Variants in SORCS3 observed in about 807,000 individuals in gnomAD.
The protein encoded by SORCS3 is VPS10 domain-containing receptor SorCS3.
A neutral mutation model predicts 146.3 loss-of-function variants in SORCS3; 57 were observed. That is an observed-to-expected ratio of 0.39 (90% confidence interval 0.31 to 0.49). The LOEUF (loss-of-function observed/expected upper bound fraction) is 0.49. SORCS3 is among the 20% of genes least tolerant of loss of function. The pLI, the probability that SORCS3 is intolerant of heterozygous loss-of-function variation, is 0.92. For synonymous variants in SORCS3, 653 were observed against 618.5 expected (o/e 1.06, Z -0.83); for missense variants, 1,341 against 1,575.5 (o/e 0.85, Z 2.52).
chr10:105,006,720 T>C (rs773846265), intron 4 of SORCS3, among the ~76,000 whole-genome samples: 1 of 152,208 alleles, frequency 6.6e-6, no homozygotes, highest in Non-Finnish European at 1.5e-5. Context: ...CTTGCACTGT[T>C]TGGGATATGA....
chr10:104,651,754 C>G (rs1337600398), intron 1 of SORCS3, among the ~76,000 whole-genome samples: 1 of 152,070 alleles, frequency 6.6e-6, no homozygotes, highest in Non-Finnish European at 1.5e-5. Context: ...TGTTGGTACT[C>G]TACCCGTATT....
intron 1 of SORCS3, among the ~76,000 whole-genome samples, chr10:104,704,854 T>C (rs1454559083): frequency 6.6e-6 from 1 of 152,194 alleles, no homozygotes; most frequent in Non-Finnish European, 1.5e-5. Context: ...GATGCTGTTT[T>C]GGTGCTTGGC....
At chr10:104,945,262 T>G (rs1564719208) in intron 3 of SORCS3, among the ~76,000 whole-genome samples, 1 of 143,750 alleles carries the variant, frequency 7.0e-6, no homozygotes, top group Non-Finnish European at 1.6e-5. Flanking sequence ...TGTTTTGTTT[T>G]GTTTTTGTTT....
chr10:105,229,216 C>A (rs1324465042), intron 20 of SORCS3, among the ~76,000 whole-genome samples: 1 of 151,876 alleles, frequency 6.6e-6, no homozygotes, highest in East Asian at 1.9e-4. Flanking sequence ...TTAATAGTGT[C>A]TCTTTGGTAA....
Position 105,232,584 on chromosome 10 carries a change from G to A in SORCS3, c.2868+9335G>A, listed in dbSNP as rs1387318392. Among the ~76,000 whole-genome samples, 10 of 150,706 alleles carry A rather than the reference G, an allele frequency of 6.6e-5. No homozygotes were observed. In the South Asian group the frequency reaches 2.1e-3, roughly 32 times the overall value. On this transcript the variant is annotated intron_variant, in intron 20 of 26. Coordinates refer to ENST00000369701, the MANE Select transcript of SORCS3 (RefSeq NM_014978.3). ...TATTTCTTTTTTTCTGCTTACCTTGGAGTTTTTTTTTTCTTGTTTCCTGAG... is the reference window on the plus strand; with the variant it reads ...TATTTCTTTTTTTCTGCTTACCTTGAAGTTTTTTTTTTCTTGTTTCCTGAG...
intron 7 of SORCS3, among the ~76,000 whole-genome samples, 172 bp from the exon 8 acceptor site, chr10:105,139,225 C>T (rs1046540473): frequency 6.6e-6 from 1 of 152,186 alleles, no homozygotes; most frequent in Non-Finnish European, 1.5e-5. Flanking sequence ...AAGCACTGTG[C>T]AGTGGGAGCA....
chr10:104,911,217 G>A (rs1205258280), intron 2 of SORCS3, among the ~76,000 whole-genome samples: 2 of 152,206 alleles, frequency 1.3e-5, no homozygotes, highest in African/African-American at 4.8e-5. Flanking sequence ...GTGTGCAGTG[G>A]CCATCCTGGA....
At chr10:105,180,242 C>T (rs970629792) in intron 14 of SORCS3, among the ~76,000 whole-genome samples, 1 of 152,230 alleles carries the variant, frequency 6.6e-6, no homozygotes, top group Admixed American at 6.5e-5. Context: ...AGAATTCACA[C>T]ACACAGTAGG....
In SORCS3 at chr10:104,864,465, G is replaced by A. The variant is rs138391711; in HGVS notation, c.695+21606G>A. On this transcript the variant is annotated intron_variant, in intron 2 of 26. Transcript: ENST00000369701. ...CCAAAACTACATTCAGTCCCTTCAG[G>A]GTTCAGCTCCCTGCCATTGCCAGTG... Among the ~76,000 whole-genome samples the A allele has an allele frequency of 7.0e-3, 1,069 of 152,164 alleles. 12 individuals are homozygous for A. The highest frequency in any genetic ancestry group is 0.024 in the African/African-American group (1,008 of 41,504).
intron 8 of SORCS3, among the ~76,000 whole-genome samples, chr10:105,142,116 C>A (rs1177592801): frequency 6.6e-6 from 1 of 152,172 alleles, no homozygotes; most frequent in African/African-American, 2.4e-5. Context: ...CTTTACCACG[C>A]TGAGCCTGAT....
intron 1 of SORCS3, among the ~76,000 whole-genome samples, chr10:104,795,651 C>A (rs533549106): frequency 6.6e-6 from 1 of 152,348 alleles, no homozygotes; most frequent in Admixed American, 6.5e-5. Flanking sequence ...TTTCAGCACC[C>A]TGTCAGATTT....
At chr10:105,098,269 A>G (rs1253963973) in intron 6 of SORCS3, among the ~76,000 whole-genome samples, 1 of 152,212 alleles carries the variant, frequency 6.6e-6, no homozygotes, top group Non-Finnish European at 1.5e-5. Context: ...CTTCTGTTCA[A>G]CCATAGAAGG....
In SORCS3 at chr10:104,795,215, G is replaced by A. The variant is rs554119782; in HGVS notation, c.628-47577G>A. Among the ~76,000 whole-genome samples, 9 of 152,170 alleles carry A rather than the reference G, an allele frequency of 5.9e-5. No individual in the cohort carries two copies. In the East Asian group the frequency reaches 1.5e-3, roughly 26 times the overall value. ...GTATGGCTACACTTGAAGATATAACGAAGTCATCAGATGGTTCCTCCTATA... is the reference window on the plus strand; with the variant it reads ...GTATGGCTACACTTGAAGATATAACAAAGTCATCAGATGGTTCCTCCTATA... On this transcript the variant is annotated intron_variant, in intron 1 of 26. Transcript: ENST00000369701.
At chr10:105,016,551 C>T (rs1016618655) in intron 4 of SORCS3, among the ~76,000 whole-genome samples, 10 of 152,152 alleles carry the variant, frequency 6.6e-5, no homozygotes, top group African/African-American at 1.4e-4. Flanking sequence ...AGCACCATGT[C>T]TGTAGTCTAA....
intron 2 of SORCS3, among the ~76,000 whole-genome samples, chr10:104,903,724 A>C (rs1280484043): frequency 6.6e-6 from 1 of 152,146 alleles, no homozygotes; most frequent in Non-Finnish European, 1.5e-5. Flanking sequence ...ATAATAATAA[A>C]ATGTTATCTG....
chr10:104,819,762 G>A (rs1483799627), intron 1 of SORCS3, among the ~76,000 whole-genome samples: 1 of 152,162 alleles, frequency 6.6e-6, no homozygotes, highest in African/African-American at 2.4e-5. Flanking sequence ...GCCTTGCCAG[G>A]TGCATGGCCT....
intron 1 of SORCS3, among the ~76,000 whole-genome samples, chr10:104,795,067 A>G (rs2017539442): frequency 6.6e-6 from 1 of 152,248 alleles, no homozygotes; most frequent in Non-Finnish European, 1.5e-5. Flanking sequence ...ATGACATTCA[A>G]AGACAATGTA....
chr10:105,211,902 C>T (rs2056636394), intron 17 of SORCS3, among the ~76,000 whole-genome samples: 1 of 152,136 alleles, frequency 6.6e-6, no homozygotes, highest in African/African-American at 2.4e-5. Flanking sequence ...GCCTATCAAT[C>T]ATCTGGGGAT....
At chr10:104,918,464 T>C (rs1283253996) in intron 3 of SORCS3, among the ~76,000 whole-genome samples, 1 of 152,228 alleles carries the variant, frequency 6.6e-6, no homozygotes, top group Non-Finnish European at 1.5e-5. Context: ...AATTGCTTTA[T>C]GATCTTGAAT....
Sources: allele counts gnomAD v4.1 joint callset (sites outside exome capture counted in the v4.1 genomes callset), GRCh38; gene constraint gnomAD v4.1.1; transcripts MANE v1.5; gene names NCBI Gene and HGNC (gene_info 2026-07-23, HGNC 2026-07-21).